The following CDH9 variants were observed in gnomAD, a reference collection of about 807,000 sequenced individuals.
The protein encoded by CDH9 is cadherin-9.
In CDH9, 28 loss-of-function variants were observed where a neutral mutation model predicts 70.9. The observed-to-expected ratio is 0.40, with a 90% CI of 0.29 to 0.54. CDH9 has a LOEUF of 0.54. Among genes scored for constraint, CDH9 ranks in the 20% least tolerant of loss-of-function variants. CDH9 has a pLI of 0.59. For missense variants in CDH9, 874 were observed against 984.4 expected (o/e 0.89, Z 1.50); for synonymous variants, 409 against 343.1 (o/e 1.19, Z -2.12).
intron 9 of CDH9, among the ~76,000 whole-genome samples, chr5:26,887,361 T>A (rs1023329433): frequency 2.0e-5 from 3 of 151,590 alleles, no homozygotes; most frequent in Non-Finnish European, 2.9e-5. Context: ...CTTGAAATTA[T>A]TAGATGAGCT....
intron 1 of CDH9, among the ~76,000 whole-genome samples, chr5:27,025,090 GTAT>G (rs1335925608): frequency 1.3e-5 from 2 of 151,912 alleles, no homozygotes; most frequent in African/African-American, 4.8e-5. Context: ...TCCAAATTGG[GTAT>G]TATTTATTTC....
At chr5:26,914,413 G>C (rs998476637) in intron 3 of CDH9, among the ~76,000 whole-genome samples, 1 of 151,592 alleles carries the variant, frequency 6.6e-6, no homozygotes, top group Non-Finnish European at 1.5e-5. Context: ...TACTTTCCAT[G>C]CAACTAAGAT....
At position 26,890,561 on chromosome 5, in the gene CDH9, G is replaced by A. The variant is rs1740641969; in HGVS notation, c.1257C>T (p.Tyr419=). 1.9e-6 allele frequency: 3 copies of A among 1,603,156 alleles called. No homozygotes were observed. Among genetic ancestry groups the A allele is most frequent in the Non-Finnish European group, 2.6e-6 (3 of 1,170,358 alleles). Residue 419 remains tyrosine, a synonymous_variant, in exon 8 of 12, where the codon TAC becomes TAT. Coordinates refer to ENST00000231021, the MANE Select transcript of CDH9 (RefSeq NM_016279.4). ...CCATATCAGTATGCCGATCAACAGA[G>A]TACCTGGCAGAAGACAGACTCATAA... ...DPDARNNLIK[Y]SVDRHTDMDR...
chr5:26,902,866 T>C (rs989050), intron 6 of CDH9, 137 bp from the exon 7 acceptor site: 128,845 of 581,398 alleles, frequency 0.22, 15,596 homozygotes, highest in South Asian at 0.36. Context: ...TTCATAGGTA[T>C]ATGAAATAAA....
At chr5:26,999,543 T>C (rs911318298) in intron 1 of CDH9, among the ~76,000 whole-genome samples, 11 of 152,172 alleles carry the variant, frequency 7.2e-5, no homozygotes, top group Non-Finnish European at 1.5e-4. Context: ...GATAGGGTCA[T>C]TAAATAGAAT....
At chr5:26,886,115 A>G (rs1740561872) in intron 9 of CDH9, 32 bp from the exon 10 acceptor site, 1 of 1,565,260 alleles carries the variant, frequency 6.4e-7, no homozygotes, top group Middle Eastern at 1.7e-4. Flanking sequence ...TAATTAATTA[A>G]GCCTAAGGCA....
chr5:26,986,200 A>T (rs1027053602), intron 2 of CDH9, among the ~76,000 whole-genome samples: 1 of 151,978 alleles, frequency 6.6e-6, no homozygotes, highest in Non-Finnish European at 1.5e-5. Context: ...CATTGTATTT[A>T]TTTCCCCCAA....
chr5:26,896,963 A>C (rs550606359), intron 7 of CDH9, among the ~76,000 whole-genome samples: 1 of 151,982 alleles, frequency 6.6e-6, no homozygotes, highest in Admixed American at 6.6e-5. Flanking sequence ...TCAAATAGAC[A>C]CAATAAAAAA....
rs572671021 is a variant in CDH9 at position 26,929,486 on chromosome 5, T to C, written c.229-13562A>G. Among the ~76,000 whole-genome samples the C allele has an allele frequency of 1.4e-3, 218 of 152,110 alleles. 1 individual carries two copies. The highest frequency in any genetic ancestry group is 5.1e-3 in the African/African-American group (211 of 41,542). Reference sequence around the variant, plus strand: ...GCATATGATTCGGCAATCCCACAGATACATACATAGCCAAGATAAAGGAAA... The same window carrying C: ...GCATATGATTCGGCAATCCCACAGACACATACATAGCCAAGATAAAGGAAA... On this transcript the variant is annotated intron_variant, in intron 2 of 11. Transcript: ENST00000231021.
chr5:26,886,869 C>T (rs535567941), intron 9 of CDH9, among the ~76,000 whole-genome samples: 1 of 152,280 alleles, frequency 6.6e-6, no homozygotes, highest in African/African-American at 2.4e-5. Context: ...CACTGAGCTA[C>T]ACATTGGGTT....
chr5:26,958,597 G>T (rs994765833), intron 2 of CDH9, among the ~76,000 whole-genome samples: 21 of 152,098 alleles, frequency 1.4e-4, no homozygotes, highest in African/African-American at 4.8e-4. Context: ...CTGGCGACCT[G>T]TGAATAATTT....
intron 1 of CDH9, among the ~76,000 whole-genome samples, chr5:26,999,716 C>T (rs1028652507): frequency 2.0e-5 from 3 of 152,082 alleles, no homozygotes; most frequent in African/African-American, 7.2e-5. Flanking sequence ...AGAGCTTTCA[C>T]TTTTCACTTG....
In CDH9 at chr5:26,926,768, C is replaced by A. The variant is rs975642672; in HGVS notation, c.229-10844G>T. Among the ~76,000 whole-genome samples, 3 of 151,948 alleles carry A rather than the reference C, an allele frequency of 2.0e-5. No homozygotes were observed. In the East Asian group the frequency reaches 5.8e-4, roughly 29 times the overall value. Reference sequence around the variant, plus strand: ...AGATAAATAGACCAACGGAACAGAACAGAGGCCTCAGAAACACCGCCACAC... The same window carrying A: ...AGATAAATAGACCAACGGAACAGAAAAGAGGCCTCAGAAACACCGCCACAC... On this transcript the variant is annotated intron_variant, in intron 2 of 11. Coordinates refer to ENST00000231021, the MANE Select transcript of CDH9 (RefSeq NM_016279.4).
intron 2 of CDH9, among the ~76,000 whole-genome samples, chr5:26,943,704 A>T (rs900234719): frequency 6.6e-6 from 1 of 152,178 alleles, no homozygotes; most frequent in Non-Finnish European, 1.5e-5. Flanking sequence ...TGACTGAGAC[A>T]TGGAAGTGGG....
At chr5:26,924,280 A>G (rs1046403894) in intron 2 of CDH9, among the ~76,000 whole-genome samples, 7 of 151,952 alleles carry the variant, frequency 4.6e-5, no homozygotes, top group African/African-American at 1.7e-4. Flanking sequence ...ATGTGCCAAT[A>G]AATTGGAAAA....
At chr5:27,001,518 T>C (rs1338159806) in intron 1 of CDH9, among the ~76,000 whole-genome samples, 2 of 152,134 alleles carry the variant, frequency 1.3e-5, no homozygotes, top group Non-Finnish European at 2.9e-5. Flanking sequence ...AATTAAGAGC[T>C]GAAGACACCA....
intron 7 of CDH9, among the ~76,000 whole-genome samples, chr5:26,895,328 G>C (rs966955627): frequency 6.6e-6 from 1 of 151,956 alleles, no homozygotes; most frequent in African/African-American, 2.4e-5. Context: ...GCAGAGATTA[G>C]TGATATTATT....
At chr5:27,013,312 A>G (rs960215975) in intron 1 of CDH9, among the ~76,000 whole-genome samples, 5 of 151,954 alleles carry the variant, frequency 3.3e-5, no homozygotes, top group African/African-American at 1.2e-4. Flanking sequence ...CCTTGCACCC[A>G]GTCAGTGAAA....
chr5:27,005,112 AAG>A (rs1181872993), intron 1 of CDH9, among the ~76,000 whole-genome samples: 5 of 152,286 alleles, frequency 3.3e-5, no homozygotes, highest in African/African-American at 1.2e-4. Context: ...TTAGTATAAA[AAG>A]AGAAATTATA....
Sources: gnomAD v4.1 joint callset for allele counts (sites outside exome capture counted in the v4.1 genomes callset) on GRCh38, gnomAD v4.1.1 for gene constraint, MANE v1.5 for transcripts, NCBI Gene and HGNC (gene_info 2026-07-23, HGNC 2026-07-21) for gene names.